Variants in NACA observed in about 807,000 individuals in gnomAD.
The protein encoded by NACA is nascent polypeptide associated complex subunit alpha.
In NACA, 42 loss-of-function variants were observed where a neutral mutation model predicts 86.4. The observed-to-expected ratio is 0.49, with a 90% CI of 0.38 to 0.63. The LOEUF is 0.63. Ranked by LOEUF, NACA falls within the 20% of genes least tolerant of loss-of-function variation. The pLI is 0.00. For synonymous variants in NACA, 898 were observed against 973.7 expected, an observed-to-expected ratio of 0.92 and a Z score of 1.45; for missense variants, 2,157 against 2,483.6, an observed-to-expected ratio of 0.87 and a Z score of 2.80.
In NACA at chr12:56,712,434, A is replaced by C. The variant is rs570349482; in HGVS notation, c.*104T>G. On this transcript the variant is annotated 3_prime_UTR_variant, in exon 9 of 9. Coordinates refer to ENST00000454682, the MANE Select transcript of NACA (RefSeq NM_001365896.1). ...AAGAGACCAGTCACCGACTGAATTC[A>C]TCCAACAAGAAGCCATAACTTTATT... 1.6e-4 allele frequency: 195 copies of C among 1,229,388 alleles called. 2 individuals are homozygous for C. In the South Asian group the frequency reaches 2.5e-3, roughly 16 times the overall value. 76.2% of individuals were successfully genotyped at this position (1,229,388 alleles called of 1,614,324 possible).
Position 56,720,349 on chromosome 12 carries a change from C to G in NACA, c.1181G>C (p.Ser394Thr). ...GPSTISSITC[S>T]PSGSLNVATS... ...AGCTACATTTAAGGAGCCAGAAGGGCTGCAGGTTATGCTAGAGATGGTAGA... is the reference window on the plus strand; with the variant it reads ...AGCTACATTTAAGGAGCCAGAAGGGGTGCAGGTTATGCTAGAGATGGTAGA... Residue 394 changes from serine (S) to threonine (T), a missense_variant, in exon 3 of 9, where the codon AGC becomes ACC. By Grantham distance (58) the Ser-to-Thr change is moderately conservative. This residue lies in a region of NACA where 947 missense variants were observed against 917.9 expected (regional missense o/e 1.03). Coordinates refer to ENST00000454682, the MANE Select transcript of NACA (RefSeq NM_001365896.1). The G allele has an allele frequency of 1.9e-6, 3 of 1,613,836 alleles. No individual in the cohort carries two copies. Among genetic ancestry groups the G allele is most frequent in the Non-Finnish European group, 2.5e-6 (3 of 1,179,850 alleles).
chr12:56,722,929 A>C (rs2137835201), intron 2 of NACA, among the ~76,000 whole-genome samples: 1 of 152,360 alleles, frequency 6.6e-6, no homozygotes, highest in East Asian at 1.9e-4. Context: ...ATTCAAATTC[A>C]AAATTCACTC....
chr12:56,712,561 G>T lies in NACA; in HGVS notation c.6223-9C>A. 2 of 1,613,582 alleles carry T rather than the reference G, an allele frequency of 1.2e-6. No individual in the cohort carries two copies. Among genetic ancestry groups the T allele is most frequent in the Admixed American group, 3.3e-5 (2 of 59,900 alleles). On this transcript the variant is annotated splice_polypyrimidine_tract_variant and intron_variant, in intron 8 of 8. Coordinates refer to ENST00000454682, the MANE Select transcript of NACA (RefSeq NM_001365896.1). The stretch of plus-strand genomic sequence containing the variant: ...GGTTACATTGTTAATTCCTGTAACA[G>T]AGAAAAGATAATTAGCGGTTCTTAT...
Position 56,719,842 on chromosome 12 carries a change from A to G in NACA, c.1688T>C (p.Val563Ala). 1.2e-6 allele frequency: 2 copies of G among 1,613,714 alleles called. No individual in the cohort carries two copies. The highest frequency in any genetic ancestry group is 1.7e-6 in the Non-Finnish European group (2 of 1,179,832). ...TKKDPTVLPLVQAAPKNSPSF... is the reference protein window; with the variant it reads ...TKKDPTVLPLAQAAPKNSPSF... ...AGGGGAATTTTTAGGGGCTGCCTGGACTAACGGTAATACAGTAGGGTCTTT... is the reference window on the plus strand; with the variant it reads ...AGGGGAATTTTTAGGGGCTGCCTGGGCTAACGGTAATACAGTAGGGTCTTT... The change falls in exon 3 of 9, where the codon GTC becomes GCC. Residue 563 changes from valine (V) to alanine (A), a missense_variant. Coordinates refer to ENST00000454682, the MANE Select transcript of NACA (RefSeq NM_001365896.1).
intron 1 of NACA, 126 bp from the exon 2 acceptor site, chr12:56,724,649 G>T: frequency 1.0e-6 from 1 of 989,842 alleles, no homozygotes; most frequent in Non-Finnish European, 1.5e-6. Context: ...GGTGTTTGGT[G>T]ACAACCTTCC....
Position 56,717,553 on chromosome 12 carries a change from G to C in NACA, c.3977C>G (p.Thr1326Ser). The C allele has an allele frequency of 7.7e-7, 1 of 1,292,174 alleles. No individual in the cohort carries two copies. The highest frequency in any genetic ancestry group is 1.0e-6 in the Non-Finnish European group (1 of 998,212). The allele number at this position is 1,292,174 out of a possible 1,614,324, so 80.0% of individuals were successfully genotyped here. Reference sequence around the variant, plus strand: ...AGTGGGGGCCCCTTTGGGGGGTGGGGTACCTGGGCTTCCTTTTGGGGAGGG... The same window carrying C: ...AGTGGGGGCCCCTTTGGGGGGTGGGCTACCTGGGCTTCCTTTTGGGGAGGG... ...TPPSPKGSPGTPPPKGAPTPP... is the reference protein window; with the variant it reads ...TPPSPKGSPGSPPPKGAPTPP... Residue 1326 changes from threonine (T) to serine (S), a missense_variant, in exon 3 of 9, where the codon ACC (threonine) becomes AGC (serine). Coordinates refer to ENST00000454682, the MANE Select transcript of NACA (RefSeq NM_001365896.1).
chr12:56,714,720 G>A (rs765278799), intron 3 of NACA, 33 bp from the exon 4 acceptor site: 2 of 1,593,776 alleles, frequency 1.3e-6, no homozygotes, highest in Non-Finnish European at 1.7e-6. Context: ...CTGCTTTATA[G>A]TAGAAATTAT....
chr12:56,712,975 T>C (rs1953258324), intron 7 of NACA, 67 bp from the exon 8 acceptor site: 1 of 1,611,514 alleles, frequency 6.2e-7, no homozygotes, highest in Admixed American at 1.7e-5. Context: ...CTTTGGAGTC[T>C]CCTGAATCTA....
chr12:56,719,252 A>T lies in NACA; in HGVS notation c.2278T>A (p.Leu760Met). 1 of 1,541,372 alleles carries T rather than the reference A, an allele frequency of 6.5e-7. No homozygotes were observed. Among genetic ancestry groups the T allele is most frequent in the Non-Finnish European group, 8.8e-7 (1 of 1,133,540 alleles). Residue 760 changes from leucine to methionine, a missense_variant, in exon 3 of 9, where the codon TTG becomes ATG. By Grantham distance (15) the Leu-to-Met change is conservative (BLOSUM62 2). Around this residue, in one of 8 missense-constraint regions of NACA, gnomAD observed 947 missense variants for 917.9 expected, o/e 1.03. Transcript: ENST00000454682. ...TTGGGAGAGGAAGCAACAGGTGCCA[A>T]TGCTGAAGTATGAGAAATACCATCA... ...KVDGISHTSALAPVASSPKEC... is the reference protein window; with the variant it reads ...KVDGISHTSAMAPVASSPKEC...
In NACA at chr12:56,717,418, GGA is replaced by G; in HGVS notation, c.4110_4111del (p.Pro1372SerfsTer164). ...TTTGTGGGAGGGGGTTGCAGCTGGG[GGA>G]GTGGGGCCCTCTTTGGAGGATGGAG... On this transcript the variant is annotated frameshift_variant, in exon 3 of 9. Transcript: ENST00000454682. LOFTEE classifies it high-confidence loss of function. 7.3e-7 allele frequency: 1 copy of G among 1,374,526 alleles called. No homozygotes were observed. The highest frequency in any genetic ancestry group is 1.3e-5 in the South Asian group (1 of 78,384). 85.1% of individuals were successfully genotyped at this position (1,374,526 alleles called of 1,614,324 possible).
In NACA at chr12:56,719,359, AAGGT is replaced by A; in HGVS notation, c.2167_2170del (p.Thr723Ter). On this transcript the variant is annotated frameshift_variant, in exon 3 of 9. Coordinates refer to ENST00000454682, the MANE Select transcript of NACA (RefSeq NM_001365896.1). LOFTEE classifies it high-confidence loss of function. ...CTTTGGGATTTCAGGGGCCAGCACT[AAGGT>A]AGCCAGAGGAGCACAGGTATTCTGG... The A allele has an allele frequency of 6.2e-7, 1 of 1,609,524 alleles. No individual in the cohort carries two copies. The highest frequency in any genetic ancestry group is 8.5e-7 in the Non-Finnish European group (1 of 1,177,748).
At chr12:56,724,911 G>C in intron 1 of NACA, 1 of 215,210 alleles carries the variant, frequency 4.6e-6, no homozygotes, top group South Asian at 6.1e-5. Context: ...TCCAACACTT[G>C]CTTGTCACAG....
Position 56,720,685 on chromosome 12 carries a change from G to C in NACA, c.845C>G (p.Ser282Cys). ...TTGAGAAGAGGTCACCACAGGAAGA[G>C]ACTGAGTTGAAAGAGATAAGGCAGC... ...PPAALSLSTQSLPVVTSSQKT... is the reference protein window; with the variant it reads ...PPAALSLSTQCLPVVTSSQKT... The change falls in exon 3 of 9, where the codon TCT (serine) becomes TGT (cysteine). Residue 282 changes from serine to cysteine, a missense_variant. This residue lies in a region of NACA where 947 missense variants were observed against 917.9 expected (regional missense o/e 1.03). Transcript: ENST00000454682. 3 of 1,613,942 alleles carry C rather than the reference G, an allele frequency of 1.9e-6. No individual in the cohort carries two copies. The highest frequency in any genetic ancestry group is 2.2e-5 in the South Asian group (2 of 91,068).
rs1953566528 is a variant in NACA, at chr12:56,721,210, A to C, written c.320T>G (p.Ile107Arg). 2.5e-6 allele frequency: 4 copies of C among 1,613,786 alleles called. No individual in the cohort carries two copies. The highest frequency in any genetic ancestry group is 1.3e-5 in the African/African-American group (1 of 74,986). ...PEAPTFLPNL[I>R]GPPISPAALA... The stretch of plus-strand genomic sequence containing the variant: ...GGCAGCTGGGGAGATGGGAGGCCCT[A>C]TTAGGTTTGGTAGGAAGGTTGGGGC... Residue 107 changes from isoleucine (I) to arginine (R), a missense_variant, in exon 3 of 9, where the codon ATA becomes AGA. This residue lies in a region of NACA where 947 missense variants were observed against 917.9 expected (regional missense o/e 1.03). Coordinates refer to ENST00000454682, the MANE Select transcript of NACA (RefSeq NM_001365896.1).
chr12:56,717,424 G>T lies in NACA; in HGVS notation c.4106C>A (p.Pro1369His). 7.2e-7 allele frequency: 1 copy of T among 1,383,896 alleles called. No homozygotes were observed. The highest frequency in any genetic ancestry group is 3.2e-5 in the East Asian group (1 of 31,500). The allele number at this position is 1,383,896 out of a possible 1,614,324, so 85.7% of individuals were successfully genotyped here. A position where few individuals can be genotyped will look rare whatever the true frequency, so the allele number is the denominator to read the frequency against. ...GGAGGGGGTTGCAGCTGGGGGAGTGGGGCCCTCTTTGGAGGATGGAGTAGT... is the reference window on the plus strand; with the variant it reads ...GGAGGGGGTTGCAGCTGGGGGAGTGTGGCCCTCTTTGGAGGATGGAGTAGT... The part of the protein sequence containing the change: ...GPTTPSSKEG[P>H]TPPAATPSHK... The change falls in exon 3 of 9, where the codon CCC becomes CAC. Residue 1369 changes from proline (P) to histidine (H), a missense_variant. By Grantham distance (77) the Pro-to-His change is moderately conservative. This residue lies in a region of NACA where 797 missense variants were observed against 777.6 expected (regional missense o/e 1.02). Coordinates refer to ENST00000454682, the MANE Select transcript of NACA (RefSeq NM_001365896.1).
intron 5 of NACA, 180 bp downstream of exon 5, chr12:56,714,182 A>T (rs1953286907): frequency 3.3e-6 from 2 of 598,890 alleles, no homozygotes; most frequent in Non-Finnish European, 5.8e-6. Flanking sequence ...ACCACTACTA[A>T]GAATTGGGTT....
At position 56,723,751 on chromosome 12, in the gene NACA, C is replaced by T. The variant is rs143762189; in HGVS notation, c.70+701G>A. 1.1e-3 allele frequency among the ~76,000 whole-genome samples: 164 copies of T among 152,266 alleles called. 2 individuals carry two copies. Among genetic ancestry groups the T allele is most frequent in the African/African-American group, 3.6e-3 (149 of 41,560 alleles). ...ACGCTGCACAACTGACTCAGAAAGG[C>T]TATCATTTTAAGAACTTTTCATTAC... is the stretch of plus-strand genomic sequence containing the variant. On this transcript the variant is annotated intron_variant, in intron 2 of 8. Transcript: ENST00000454682.
rs779248908 is a variant in NACA, at chr12:56,719,896, G to C, written c.1634C>G (p.Ser545Cys). The C allele has an allele frequency of 5.6e-6, 9 of 1,613,928 alleles. No homozygotes were observed. The highest frequency in any genetic ancestry group is 1.1e-5 in the South Asian group (1 of 91,064). ...GGTGGTGAGTCCTGCTTGGGCTGGA[G>C]AGAAAGGGGCTCCTTCAAGAGAGGC... ...VPASLEGAPF[S>C]PAQAGLTTKK... Residue 545 changes from serine to cysteine, a missense_variant, in exon 3 of 9, where the codon TCT becomes TGT. Coordinates refer to ENST00000454682, the MANE Select transcript of NACA (RefSeq NM_001365896.1).
intron 2 of NACA, among the ~76,000 whole-genome samples, chr12:56,723,902 G>C (rs901141026): frequency 3.9e-5 from 6 of 152,152 alleles, no homozygotes; most frequent in Admixed American, 3.3e-4. Context: ...AATGATGCAG[G>C]AACTATTCCA....
Sources: gnomAD v4.1 joint callset for allele counts (sites outside exome capture counted in the v4.1 genomes callset) on GRCh38, gnomAD v4.1.1 for gene constraint, gnomAD v4.1.1 regional missense constraint, MANE v1.5 for transcripts, NCBI Gene and HGNC (gene_info 2026-07-23, HGNC 2026-07-21) for gene names.